RPS17: variants seen among roughly 807,000 people sequenced by gnomAD.
RPS17 encodes ribosomal protein S17, also known as small ribosomal subunit protein eS17.
For missense variants in RPS17, 68 were observed against 182.3 expected, an observed-to-expected ratio of 0.37 and a Z score of 3.61; for synonymous variants, 75 against 65.6, an observed-to-expected ratio of 1.14 and a Z score of -0.70.
intron 4 of RPS17, chr15:82,538,055 G>T: frequency 3.6e-6 from 2 of 549,646 alleles, no homozygotes; most frequent in Non-Finnish European, 7.1e-6. Context: ...ATAAAACCAA[G>T]AACAGAAGCA....
In RPS17 at chr15:82,538,306, C is replaced by A. The variant is rs2034276188; in HGVS notation, c.327G>T (p.Leu109Phe). 1 of 1,613,488 alleles carries A rather than the reference C, an allele frequency of 6.2e-7. No homozygotes were observed. The highest frequency in any genetic ancestry group is 1.1e-5 in the South Asian group (1 of 90,996). Residue 109 changes from leucine to phenylalanine, a missense_variant and splice_region_variant, in exon 4 of 5, where the codon TTG becomes TTT. Transcript: ENST00000647841. The part of the protein sequence containing the change: ...DPDTKEMLKL[L>F]DFGSLSNLQV... ...CTTTAGGAATCCAGCAAACACTTAC[C>A]AAAAGCTTCAGCATTTCCTTAGTGT...
At chr15:82,539,714 A>T (rs1462006004) in intron 2 of RPS17, 3 of 605,758 alleles carry the variant, frequency 5.0e-6, no homozygotes, top group Non-Finnish European at 8.7e-6. Flanking sequence ...AAAAGAAAGA[A>T]AAAAGTTGAC....
At chr15:82,538,159 C>G in intron 4 of RPS17, 147 bp downstream of exon 4, 1 of 829,532 alleles carries the variant, frequency 1.2e-6, no homozygotes, top group Admixed American at 1.9e-5. Flanking sequence ...CGCTACACCC[C>G]TTATGAAAGC....
At position 82,539,971 on chromosome 15, in the gene RPS17, C is replaced by T. The variant is rs2034316904; in HGVS notation, c.155+10G>A. The T allele has an allele frequency of 3.7e-6, 6 of 1,612,056 alleles. No homozygotes were observed. Among genetic ancestry groups the T allele is most frequent in the Admixed American group, 1.7e-5 (1 of 60,018 alleles). On this transcript the variant is annotated intron_variant, in intron 2 of 4. Coordinates refer to ENST00000647841, the MANE Select transcript of RPS17 (RefSeq NM_001021.6). ...GCGGAGCCCCGGAGGCCGAGGAAGG[C>T]CCGACTCACCCTGCTATCTTGTTGC... is the stretch of plus-strand genomic sequence containing the variant.
chr15:82,538,470 C>A, intron 3 of RPS17, 99 bp from the exon 4 acceptor site: 1 of 1,316,558 alleles, frequency 7.6e-7, no homozygotes, highest in Non-Finnish European at 1.1e-6. Context: ...GGAAGAGGAG[C>A]TGCACAAGGA....
At chr15:82,539,605 C>T (rs2034306982) in intron 2 of RPS17, 1 of 411,848 alleles carries the variant, frequency 2.4e-6, no homozygotes, top group Non-Finnish European at 4.7e-6. Flanking sequence ...ATGACAATCG[C>T]TTGAACCCGG....
intron 3 of RPS17, 96 bp from the exon 4 acceptor site, chr15:82,538,467 G>A: frequency 7.4e-7 from 1 of 1,351,474 alleles, no homozygotes; most frequent in Non-Finnish European, 1.1e-6. Context: ...TGGGGAAGAG[G>A]AGCTGCACAA....
At chr15:82,539,255 A>G (rs2034298020) in intron 2 of RPS17, 1 of 629,090 alleles carries the variant, frequency 1.6e-6, no homozygotes, top group African/African-American at 1.8e-5. Context: ...CAGTTTCACG[A>G]CCCTTCACAG....
chr15:82,537,764 C>T (rs1169288866), intron 4 of RPS17: 4 of 433,624 alleles, frequency 9.2e-6, no homozygotes, highest in African/African-American at 8.2e-5. Context: ...ATTTAATGAC[C>T]ATAAAAATAG....
Position 82,540,432 on chromosome 15 carries a change from G to T in RPS17, c.-4C>A. The stretch of plus-strand genomic sequence containing the variant: ...CTCGAGCCAAAACACCTACCATGTT[G>T]GCGGGTCCTTGGTAAAAGAGGAAAC... On this transcript the variant is annotated 5_prime_UTR_variant, in exon 1 of 5. Coordinates refer to ENST00000647841, the MANE Select transcript of RPS17 (RefSeq NM_001021.6). 2 of 1,595,528 alleles carry T rather than the reference G, an allele frequency of 1.3e-6. No individual in the cohort carries two copies. Among genetic ancestry groups the T allele is most frequent in the Non-Finnish European group, 1.7e-6 (2 of 1,172,312 alleles).
intron 4 of RPS17, 180 bp downstream of exon 4, chr15:82,538,126 A>C: frequency 1.5e-6 from 1 of 679,454 alleles, no homozygotes; most frequent in South Asian, 1.5e-5. Context: ...CTTGTGGCGA[A>C]CTAACTCAAT....
At position 82,540,059 on chromosome 15, in the gene RPS17, T is replaced by C. The variant is rs1427897146; in HGVS notation, c.77A>G (p.Asn26Ser). Residue 26 changes from asparagine to serine, a missense_variant, in exon 2 of 5, where the codon AAC (asparagine) becomes AGC (serine). Asn to Ser is a conservative substitution (Grantham distance 46, BLOSUM62 1). Transcript: ENST00000647841. ...CACGCGCTTGTTCGTGTGGAAGTCG[T>C]TGCCCAGGCGCGTGTAGTACTTTTC... ...IIEKYYTRLG[N>S]DFHTNKRVCE... 51 of 1,612,852 alleles carry C rather than the reference T, an allele frequency of 3.2e-5. No homozygotes were observed. In the East Asian group the frequency reaches 1.1e-3, roughly 35 times the overall value.
At chr15:82,537,749 T>TA (rs2034265873) in intron 4 of RPS17, 1 of 416,208 alleles carries the variant, frequency 2.4e-6, no homozygotes, top group African/African-American at 2.1e-5. Flanking sequence ...TTGAGTGTCT[T>TA]AAACATTTAA....
chr15:82,540,448 A>G lies in RPS17; in HGVS notation c.-20T>C. The stretch of plus-strand genomic sequence containing the variant: ...TACCATGTTGGCGGGTCCTTGGTAA[A>G]AGAGGAAACAGGAAGCACAGGCGAA... On this transcript the variant is annotated 5_prime_UTR_variant, in exon 1 of 5. Transcript: ENST00000647841. 5 of 1,591,194 alleles carry G rather than the reference A, an allele frequency of 3.1e-6. No homozygotes were observed. The highest frequency in any genetic ancestry group is 4.3e-6 in the Non-Finnish European group (5 of 1,170,162).
Position 82,540,304 on chromosome 15 carries a change from G to A in RPS17, c.3+122C>T, listed in dbSNP as rs1020283533. On this transcript the variant is annotated intron_variant, in intron 1 of 4. Transcript: ENST00000647841. ...AATGCGGAAGCCGCCGGCCCGTTGCGCTCCAGCCTGACAGGGCTCTGCGCC... is the reference window on the plus strand; with the variant it reads ...AATGCGGAAGCCGCCGGCCCGTTGCACTCCAGCCTGACAGGGCTCTGCGCC... 1.1e-5 allele frequency: 17 copies of A among 1,583,174 alleles called. No individual in the cohort carries two copies. The Admixed American group carries it at 1.1e-4, about 10-fold the overall frequency.
chr15:82,536,881 C>A lies in RPS17; in HGVS notation c.328G>T (p.Asp110Tyr). 1.9e-6 allele frequency: 3 copies of A among 1,613,982 alleles called. No homozygotes were observed. The highest frequency in any genetic ancestry group is 2.5e-6 in the Non-Finnish European group (3 of 1,179,876). The stretch of plus-strand genomic sequence containing the variant: ...TGAAGGTTGGACAGACTGCCGAAGT[C>A]CTGGAACGAGAAAATGGATTCAGTG... Reference protein sequence around the residue: ...PDTKEMLKLLDFGSLSNLQVT... With the variant: ...PDTKEMLKLLYFGSLSNLQVT... The change falls in exon 5 of 5, where the codon GAC becomes TAC. Residue 110 changes from aspartate (D) to tyrosine (Y), a missense_variant and splice_region_variant. Physicochemically the swap from Asp to Tyr is radical, Grantham distance 160. Transcript: ENST00000647841.
At chr15:82,537,318 C>A (rs929419887) in intron 4 of RPS17, 2 of 289,990 alleles carry the variant, frequency 6.9e-6, no homozygotes, top group Non-Finnish European at 6.7e-6. Context: ...GCTATGAGAA[C>A]GAAAAATGTG....
In RPS17 at chr15:82,538,033, C is replaced by T. The variant is rs906252492; in HGVS notation, c.327+273G>A. On this transcript the variant is annotated intron_variant, in intron 4 of 4. Coordinates refer to ENST00000647841, the MANE Select transcript of RPS17 (RefSeq NM_001021.6). ...GCCAGGGCTGACACAAAGGGGGCAA[C>T]GTAAGCCAGCTATAAAACCAAGAAC... 1.2e-4 allele frequency: 62 copies of T among 513,262 alleles called. 1 individual carries two copies. Among genetic ancestry groups the T allele is most frequent in the Admixed American group, 1.2e-3 (53 of 43,940 alleles). 31.8% of individuals were successfully genotyped at this position (513,262 alleles called of 1,614,324 possible).
chr15:82,540,213 G>C lies in RPS17; in HGVS notation c.4-81C>G, dbSNP rs2034323787. The stretch of plus-strand genomic sequence containing the variant: ...TGCGGCGCCGAGCCCCGGCCGGTGT[G>C]GTTGGGGACCGCCGGCTGCGCTGAG... On this transcript the variant is annotated intron_variant, in intron 1 of 4. Transcript: ENST00000647841. 4 of 1,611,596 alleles carry C rather than the reference G, an allele frequency of 2.5e-6. No homozygotes were observed. In the Admixed American group the frequency reaches 6.7e-5, roughly 27 times the overall value.
Sources: gnomAD v4.1 joint callset for allele counts on GRCh38, gnomAD v4.1.1 for gene constraint, MANE v1.5 for transcripts, NCBI Gene and HGNC (gene_info 2026-07-23, HGNC 2026-07-21) for gene names.